The following FAXC variants were observed in gnomAD, a reference collection of about 807,000 sequenced individuals.
FAXC encodes failed axon connections homolog, metaxin like GST domain containing, also known as failed axon connections homolog.
Under a neutral mutation model 41.9 loss-of-function variants are expected in FAXC, and 10 were observed. The observed-to-expected ratio is 0.24, with a 90% confidence interval of 0.15 to 0.41. FAXC has a LOEUF of 0.41. Among genes scored for constraint, FAXC ranks in the 10% least tolerant of loss-of-function variants. The pLI is 1.00. For synonymous variants in FAXC, 183 were observed against 183.8 expected, an observed-to-expected ratio of 1.00 and a Z score of 0.03; for missense variants, 399 against 510.9, an observed-to-expected ratio of 0.78 and a Z score of 2.11.
At chr6:99,302,281 A>C (rs1028034456) in intron 4 of FAXC, among the ~76,000 whole-genome samples, 2 of 152,246 alleles carry the variant, frequency 1.3e-5, no homozygotes, top group Non-Finnish European at 2.9e-5. Flanking sequence ...GAAGAAAGAA[A>C]GATGCCTAAG....
chr6:99,274,363 TAGA>T lies in FAXC; in HGVS notation c.*6798_*6800del, dbSNP rs1254622099. On this transcript the variant is annotated 3_prime_UTR_variant, in exon 6 of 6. Coordinates refer to ENST00000389677, the MANE Select transcript of FAXC (RefSeq NM_032511.4). ...ATTATTTTAGCAAGATGGCACCACCTAGAAAACTTTCAATTGCCTGATACATCT... is the reference window on the plus strand; with the variant it reads ...ATTATTTTAGCAAGATGGCACCACCTAAACTTTCAATTGCCTGATACATCT... 6.6e-6 allele frequency: 1 copy of T among 152,186 alleles called. No individual in the cohort carries two copies. The highest frequency in any genetic ancestry group is 2.4e-5 in the African/African-American group (1 of 41,442). 9.4% of individuals were successfully genotyped at this position (152,186 alleles called of 1,614,324 possible).
In FAXC at chr6:99,275,644, CTA is replaced by C. The variant is rs1376066699; in HGVS notation, c.*5518_*5519del. 6.6e-6 allele frequency: 1 copy of C among 152,038 alleles called. No homozygotes were observed. Among genetic ancestry groups the C allele is most frequent in the African/African-American group, 2.4e-5 (1 of 41,416 alleles). The allele number at this position is 152,038 out of a possible 1,614,324, so 9.4% of individuals were successfully genotyped here. A position where few individuals can be genotyped will look rare whatever the true frequency, so the allele number is the denominator to read the frequency against. On this transcript the variant is annotated 3_prime_UTR_variant, in exon 6 of 6. Transcript: ENST00000389677. ...ACAGCTGAACCCCTTTTTTTTAAAT[CTA>C]TGCTTCAGTGCCCTCTGTAATCATC...
chr6:99,314,227 A>G (rs1772250761), intron 4 of FAXC, among the ~76,000 whole-genome samples: 1 of 150,040 alleles, frequency 6.7e-6, no homozygotes, highest in African/African-American at 2.5e-5. Flanking sequence ...CTCCATCACC[A>G]CAACCCTCCC....
chr6:99,319,858 G>A (rs974405183), intron 4 of FAXC, among the ~76,000 whole-genome samples: 1 of 152,076 alleles, frequency 6.6e-6, no homozygotes, highest in Non-Finnish European at 1.5e-5. Context: ...TTACATGTTA[G>A]CTTTGTATCC....
In FAXC at chr6:99,349,512, AC is replaced by A. The variant is rs1773723665; in HGVS notation, c.-141del. ...GGCGGCGACTGAGGAGGCGGCGGCGACTGAGGAGGCGGCGGCAGAGGAGGAG... is the reference window on the plus strand; with the variant it reads ...GGCGGCGACTGAGGAGGCGGCGGCGATGAGGAGGCGGCGGCAGAGGAGGAG... On this transcript the variant is annotated 5_prime_UTR_variant, in exon 1 of 6. Transcript: ENST00000389677. 2 of 500,888 alleles carry A rather than the reference AC, an allele frequency of 4.0e-6. No homozygotes were observed. Among genetic ancestry groups the A allele is most frequent in the Admixed American group, 1.3e-4 (2 of 15,146 alleles). 31.0% of individuals were successfully genotyped at this position (500,888 alleles called of 1,614,324 possible).
chr6:99,294,923 GAGTT>G (rs1771423573), intron 4 of FAXC, among the ~76,000 whole-genome samples: 2 of 152,310 alleles, frequency 1.3e-5, no homozygotes, highest in Non-Finnish European at 2.9e-5. Flanking sequence ...GAAGGACACT[GAGTT>G]AGTGACTAAG....
chr6:99,338,412 A>G (rs778535778), intron 2 of FAXC, among the ~76,000 whole-genome samples: 4 of 152,198 alleles, frequency 2.6e-5, no homozygotes, highest in Non-Finnish European at 5.9e-5. Context: ...GCAGGTAAAG[A>G]CAGGTCTACA....
chr6:99,304,051 C>G (rs1045144377), intron 4 of FAXC, among the ~76,000 whole-genome samples: 1 of 152,042 alleles, frequency 6.6e-6, no homozygotes, highest in Non-Finnish European at 1.5e-5. Flanking sequence ...GGAGCTGAGG[C>G]GGGTGGATCA....
chr6:99,320,968 T>C (rs901685541), intron 4 of FAXC, among the ~76,000 whole-genome samples: 3 of 152,220 alleles, frequency 2.0e-5, no homozygotes, highest in Admixed American at 2.0e-4. Context: ...AAGAGTCAGA[T>C]GGTGAATATT....
intron 4 of FAXC, among the ~76,000 whole-genome samples, chr6:99,301,153 A>G (rs1450949638): frequency 6.6e-6 from 1 of 152,234 alleles, no homozygotes; most frequent in East Asian, 1.9e-4. Flanking sequence ...GCTCAGATCA[A>G]CTCTCTAGGC....
intron 4 of FAXC, among the ~76,000 whole-genome samples, chr6:99,297,837 A>C (rs749440228): frequency 1.3e-4 from 20 of 152,166 alleles, no homozygotes; most frequent in Non-Finnish European, 2.4e-4. Flanking sequence ...CCACTGCATG[A>C]AGGCTTCCCA....
Position 99,333,480 on chromosome 6 carries a change from A to C in FAXC, c.470T>G (p.Val157Gly). Residue 157 changes from valine (V) to glycine (G), a missense_variant, in exon 3 of 6, where the codon GTT becomes GGT. Physicochemically the swap from Val to Gly is moderately radical, Grantham distance 109. Around this residue, in one of 3 missense-constraint regions of FAXC, gnomAD observed 239 missense variants for 352.7 expected, o/e 0.68. Transcript: ENST00000389677. ...GTCAATTATGAATTCTGTGCCAGAA[A>C]CTTTTTCATGATTATATTCAATCCA... ...MPWIEYNHEKVSGTEFIIDFL... is the reference protein window; with the variant it reads ...MPWIEYNHEKGSGTEFIIDFL... 2 of 1,614,098 alleles carry C rather than the reference A, an allele frequency of 1.2e-6. No individual in the cohort carries two copies. Among genetic ancestry groups the C allele is most frequent in the Non-Finnish European group, 1.7e-6 (2 of 1,180,000 alleles).
intron 1 of FAXC, among the ~76,000 whole-genome samples, chr6:99,347,152 A>G (rs914396062): frequency 1.3e-5 from 2 of 152,150 alleles, no homozygotes; most frequent in African/African-American, 4.8e-5. Flanking sequence ...CTGTAATCCC[A>G]GCAACTCAGC....
At chr6:99,328,208 C>T (rs946696930) in intron 3 of FAXC, among the ~76,000 whole-genome samples, 5 of 152,140 alleles carry the variant, frequency 3.3e-5, no homozygotes, top group African/African-American at 4.8e-5. Flanking sequence ...ATAGACTGAA[C>T]GTTCATGTCC....
chr6:99,301,470 C>A (rs976323533), intron 4 of FAXC, among the ~76,000 whole-genome samples: 1 of 152,140 alleles, frequency 6.6e-6, no homozygotes, highest in Admixed American at 6.6e-5. Context: ...TATGTACCCA[C>A]AAAAATTAAA....
chr6:99,316,947 C>T (rs576512340), intron 4 of FAXC, among the ~76,000 whole-genome samples: 85 of 152,242 alleles, frequency 5.6e-4, no homozygotes, highest in Admixed American at 4.2e-3. Flanking sequence ...TTTGAAGGGA[C>T]GCACTACTTT....
intron 2 of FAXC, among the ~76,000 whole-genome samples, chr6:99,337,649 C>T (rs1039628742): frequency 6.6e-6 from 1 of 152,168 alleles, no homozygotes; most frequent in East Asian, 1.9e-4. Flanking sequence ...AAATTAACCA[C>T]ATCCCCAGGA....
At chr6:99,341,749 T>C (rs1386848879) in intron 2 of FAXC, among the ~76,000 whole-genome samples, 4 of 152,156 alleles carry the variant, frequency 2.6e-5, no homozygotes, top group African/African-American at 9.7e-5. Context: ...TTTAAGCAAG[T>C]AGATCTATAG....
At position 99,280,405 on chromosome 6, in the gene FAXC, A is replaced by T. The variant is rs1770781237; in HGVS notation, c.*759T>A. ...CATGCATGAAGTGCAATAAAGAATA[A>T]AATGCTGTGTTTATGTCGCACCACT... On this transcript the variant is annotated 3_prime_UTR_variant, in exon 6 of 6. Transcript: ENST00000389677. The T allele has an allele frequency of 1.3e-5, 2 of 152,264 alleles. No homozygotes were observed. The highest frequency in any genetic ancestry group is 4.1e-4 in the South Asian group (2 of 4,832). 9.4% of individuals were successfully genotyped at this position (152,264 alleles called of 1,614,324 possible).
Sources: allele counts gnomAD v4.1 joint callset (sites outside exome capture counted in the v4.1 genomes callset), GRCh38; gene constraint gnomAD v4.1.1; regional missense constraint gnomAD v4.1.1; transcripts MANE v1.5; gene names NCBI Gene and HGNC (gene_info 2026-07-23, HGNC 2026-07-21).